COG3: variants seen among roughly 807,000 people sequenced by gnomAD.
COG3 encodes component of oligomeric golgi complex 3.
Under a neutral mutation model 114.1 loss-of-function variants are expected in COG3, and 32 were observed. The ratio of observed to expected loss-of-function variants is 0.28; its 90% CI spans 0.21 to 0.38. The LOEUF (loss-of-function observed/expected upper bound fraction) is 0.38. COG3 is among the 10% of genes least tolerant of loss of function. COG3 has a pLI of 1.00. For synonymous variants in COG3, 352 were observed against 365.7 expected (o/e 0.96, Z 0.43); for missense variants, 813 against 973.2 (o/e 0.84, Z 2.19).
chr13:45,482,451 G>A lies in COG3; in HGVS notation c.695G>A (p.Cys232Tyr), dbSNP rs377758328. The A allele has an allele frequency of 5.9e-6, 9 of 1,529,980 alleles. No homozygotes were observed. The highest frequency in any genetic ancestry group is 2.3e-5 in the East Asian group (1 of 43,792). 94.8% of individuals were successfully genotyped at this position (1,529,980 alleles called of 1,614,324 possible). ...FIPMLAKLDD[C>Y]ITYISSHPNF... The stretch of plus-strand genomic sequence containing the variant: ...CCTATGCTGGCCAAGTTAGATGATT[G>A]TATAACATATATCTCATCTCATGTA... The change falls in exon 6 of 23, where the codon TGT becomes TAT. Residue 232 changes from cysteine (C) to tyrosine (Y), a missense_variant. Coordinates refer to ENST00000349995, the MANE Select transcript of COG3 (RefSeq NM_031431.4).
chr13:45,514,185 G>A (rs1441456537), intron 16 of COG3, among the ~76,000 whole-genome samples: 1 of 95,574 alleles, frequency 1.0e-5, no homozygotes, highest in African/African-American at 4.1e-5. Context: ...TTTTGAGACA[G>A]AGTCTCACTC....
chr13:45,467,172 A>C (rs1885190897), intron 1 of COG3, among the ~76,000 whole-genome samples: 1 of 152,216 alleles, frequency 6.6e-6, no homozygotes, highest in Non-Finnish European at 1.5e-5. Context: ...TAAAGACTAA[A>C]GAAATAACAT....
intron 5 of COG3, among the ~76,000 whole-genome samples, chr13:45,481,803 T>A (rs1886265016): frequency 6.6e-6 from 1 of 151,942 alleles, no homozygotes; most frequent in African/African-American, 2.4e-5. Context: ...TATGTATAAG[T>A]CATGTTATTA....
At chr13:45,499,648 CTGGTAGTCATA>C (rs1869233928) in intron 13 of COG3, among the ~76,000 whole-genome samples, 1 of 152,196 alleles carries the variant, frequency 6.6e-6, no homozygotes, top group Non-Finnish European at 1.5e-5. Context: ...GCACTTAATG[CTGGTAGTCATA>C]TGAGAGACAG....
At chr13:45,476,666 G>A (rs1239919052) in intron 2 of COG3, among the ~76,000 whole-genome samples, 2 of 152,152 alleles carry the variant, frequency 1.3e-5, no homozygotes, top group Non-Finnish European at 2.9e-5. Flanking sequence ...CTCAGTGTGT[G>A]CATGGGTACC....
At chr13:45,471,646 T>C (rs1885489194) in intron 1 of COG3, among the ~76,000 whole-genome samples, 1 of 152,236 alleles carries the variant, frequency 6.6e-6, no homozygotes, top group Non-Finnish European at 1.5e-5. Flanking sequence ...GTGTTTTATC[T>C]AGCGTTATAT....
At chr13:45,474,627 C>T (rs1253089424) in intron 1 of COG3, among the ~76,000 whole-genome samples, 3 of 152,196 alleles carry the variant, frequency 2.0e-5, no homozygotes, top group African/African-American at 4.8e-5. Flanking sequence ...ATGTACTTTA[C>T]TGTACCATAA....
intron 22 of COG3, among the ~76,000 whole-genome samples, chr13:45,533,360 A>G (rs1244031657): frequency 6.6e-6 from 1 of 152,204 alleles, no homozygotes; most frequent in African/African-American, 2.4e-5. Context: ...AGGTGCAAGA[A>G]TAGTGTAAGG....
At chr13:45,471,273 AG>A (rs1885462567) in intron 1 of COG3, among the ~76,000 whole-genome samples, 1 of 152,076 alleles carries the variant, frequency 6.6e-6, no homozygotes, top group East Asian at 1.9e-4. Flanking sequence ...TCAAAAAGTT[AG>A]CTGGGTGTGG....
At chr13:45,479,454 G>C (rs1011325447) in intron 3 of COG3, among the ~76,000 whole-genome samples, 1 of 151,916 alleles carries the variant, frequency 6.6e-6, no homozygotes, top group Non-Finnish European at 1.5e-5. Flanking sequence ...TCTGTCAGTG[G>C]ATGCTGACAG....
chr13:45,487,583 T>C (rs1886747044), intron 8 of COG3, among the ~76,000 whole-genome samples: 1 of 152,068 alleles, frequency 6.6e-6, no homozygotes, highest in Admixed American at 6.5e-5. Flanking sequence ...AGAGACTGAG[T>C]AGACATTTCT....
intron 14 of COG3, among the ~76,000 whole-genome samples, chr13:45,507,233 T>C: frequency 6.6e-6 from 1 of 152,358 alleles, no homozygotes; most frequent in African/African-American, 2.4e-5. Context: ...GAAGGGATCC[T>C]GCACATACCA....
intron 7 of COG3, among the ~76,000 whole-genome samples, 149 bp from the exon 8 acceptor site, chr13:45,486,332 CGGGAGACGGGAGAG>C (rs1321395130): frequency 5.5e-5 from 3 of 54,848 alleles, no homozygotes; most frequent in Non-Finnish European, 1.1e-4. Flanking sequence ...AGACGGGAGA[CGGGAGACGGGAGAG>C]GGAGAGGGAG....
At chr13:45,491,028 G>T in intron 9 of COG3, 70 bp downstream of exon 9, 1 of 1,011,164 alleles carries the variant, frequency 9.9e-7, no homozygotes, top group Non-Finnish European at 1.5e-6. Context: ...TCCAAATCTG[G>T]ATCTCTGATA....
intron 14 of COG3, 132 bp from the exon 15 acceptor site, chr13:45,509,560 G>C: frequency 1.0e-6 from 1 of 967,394 alleles, no homozygotes; most frequent in Non-Finnish European, 1.5e-6. Flanking sequence ...TGAAAACTGA[G>C]GTGGGAAAAA....
chr13:45,509,779 CTCTTG>C lies in COG3; in HGVS notation c.1686_1690del (p.Val563SerfsTer10). 1 of 1,613,848 alleles carries C rather than the reference CTCTTG, an allele frequency of 6.2e-7. No homozygotes were observed. Among genetic ancestry groups the C allele is most frequent in the Non-Finnish European group, 8.5e-7 (1 of 1,179,744 alleles). Reference sequence around the variant, plus strand: ...ATGTGGTATCCTACGGTTCGAAGAACTCTTGTCTGTCTCTCCAAATTATACAGATG... The same window carrying C: ...ATGTGGTATCCTACGGTTCGAAGAACTCTGTCTCTCCAAATTATACAGATG... On this transcript the variant is annotated frameshift_variant, in exon 15 of 23. Coordinates refer to ENST00000349995, the MANE Select transcript of COG3 (RefSeq NM_031431.4). LOFTEE classifies it high-confidence loss of function.
rs371233316 is a variant in COG3 at position 45,496,541 on chromosome 13, A to G, written c.1488+229A>G. On this transcript the variant is annotated intron_variant, in intron 13 of 22. Coordinates refer to ENST00000349995, the MANE Select transcript of COG3 (RefSeq NM_031431.4). ...GCCTAGATGTTTTTTACTAGTTAAA[A>G]TGGGATTTTTCTTTTTAATTCTTCC... Among the ~76,000 whole-genome samples, 28 of 152,090 alleles carry G rather than the reference A, an allele frequency of 1.8e-4. 1 individual carries two copies. In the South Asian group the frequency reaches 5.8e-3, roughly 32 times the overall value.
Position 45,476,228 on chromosome 13 carries a change from A to AAGT in COG3, c.202_203insAGT (p.Thr68delinsLysSer), listed in dbSNP as rs1191838314. 11 of 1,613,918 alleles carry AAGT rather than the reference A, an allele frequency of 6.8e-6. No individual in the cohort carries two copies. In the South Asian group the frequency reaches 1.2e-4, roughly 18 times the overall value. On this transcript the variant is annotated protein_altering_variant, in exon 2 of 23. Transcript: ENST00000349995. ...TCCAATTGAAGACTTGTGCAGTTTA[A>AAGT]CATCCCAGTCACTGCCCATTGAACT... is the stretch of plus-strand genomic sequence containing the variant.
chr13:45,491,301 A>G (rs1232315958), intron 9 of COG3, 111 bp from the exon 10 acceptor site: 2 of 1,044,446 alleles, frequency 1.9e-6, no homozygotes, highest in African/African-American at 1.6e-5. Flanking sequence ...GGCAAATGAG[A>G]GGTGACCGTT....
Sources: allele counts gnomAD v4.1 joint callset (sites outside exome capture counted in the v4.1 genomes callset), GRCh38; gene constraint gnomAD v4.1.1; transcripts MANE v1.5; gene names NCBI Gene and HGNC (gene_info 2026-07-23, HGNC 2026-07-21).